The following ATP13A4 variants were observed in gnomAD, a reference collection of about 807,000 sequenced individuals.
ATP13A4 encodes the protein ATPase 13A4.
In ATP13A4, 114 loss-of-function variants were observed where a neutral mutation model predicts 142.5. That is an observed-to-expected ratio of 0.80 (90% CI 0.69 to 0.93). ATP13A4 has a LOEUF of 0.93. Among genes scored for constraint, ATP13A4 ranks in the 40% least tolerant of loss-of-function variants. The pLI is 0.00. For synonymous variants in ATP13A4, 488 were observed against 514.8 expected (o/e 0.95, Z 0.70); for missense variants, 1,392 against 1,454.0 (o/e 0.96, Z 0.69).
intron 6 of ATP13A4, 24 bp from the exon 7 acceptor site, chr3:193,489,888 A>T (rs1719852325): frequency 6.2e-7 from 1 of 1,609,448 alleles, no homozygotes; most frequent in Non-Finnish European, 8.5e-7. Flanking sequence ...TAAAAACAGG[A>T]AGACAAGGGA....
intron 25 of ATP13A4, among the ~76,000 whole-genome samples, chr3:193,428,670 T>C (rs1715804529): frequency 6.6e-6 from 1 of 151,606 alleles, no homozygotes; most frequent in African/African-American, 2.4e-5. Context: ...AAACCATCAT[T>C]CTCAGCAAAC....
intron 9 of ATP13A4, among the ~76,000 whole-genome samples, chr3:193,468,129 A>C (rs1212786501): frequency 6.6e-6 from 1 of 152,190 alleles, no homozygotes; most frequent in African/African-American, 2.4e-5. Context: ...TGGTGAGCCA[A>C]GATTGTGCCA....
intron 2 of ATP13A4, among the ~76,000 whole-genome samples, chr3:193,575,968 G>A (rs939544407): frequency 1.3e-5 from 2 of 152,150 alleles, no homozygotes; most frequent in African/African-American, 2.4e-5. Flanking sequence ...ACTGGGACGG[G>A]GACTGGGATG....
chr3:193,548,532 A>C (rs769444790), intron 1 of ATP13A4, among the ~76,000 whole-genome samples: 2 of 152,218 alleles, frequency 1.3e-5, no homozygotes, highest in Non-Finnish European at 2.9e-5. Context: ...TTCAAATGAC[A>C]AAATGTCTCA....
chr3:193,548,277 T>C (rs1723338555), intron 1 of ATP13A4, among the ~76,000 whole-genome samples: 1 of 152,188 alleles, frequency 6.6e-6, no homozygotes, highest in Non-Finnish European at 1.5e-5. Context: ...TTAATAGAGC[T>C]TGCAATTACG....
Position 193,457,451 on chromosome 3 carries a change from A to T in ATP13A4, c.1689T>A (p.Ser563=), listed in dbSNP as rs1327199218. The part of the protein sequence containing the change: ...FEATTWEMAF[S]GDDFHIKGVP... ...CTCCCTTGATGTGGAAATCGTCCCC[A>T]GAAAAAGCCATTTCCTATTTCACAA... The change falls in exon 15 of 30, where the codon TCT becomes TCA. Residue 563 remains serine (S), a synonymous_variant. Coordinates refer to ENST00000342695, the MANE Select transcript of ATP13A4 (RefSeq NM_032279.4). 6.2e-7 allele frequency: 1 copy of T among 1,613,988 alleles called. No individual in the cohort carries two copies. The highest frequency in any genetic ancestry group is 2.2e-5 in the East Asian group (1 of 44,884).
At chr3:193,561,519 T>C (rs1724016769) in intron 2 of ATP13A4, among the ~76,000 whole-genome samples, 2 of 152,356 alleles carry the variant, frequency 1.3e-5, no homozygotes, top group South Asian at 2.1e-4. Flanking sequence ...CTGAAATTAA[T>C]GACAAAAGAA....
At chr3:193,575,200 T>C (rs946137125) in intron 2 of ATP13A4, among the ~76,000 whole-genome samples, 2 of 152,200 alleles carry the variant, frequency 1.3e-5, no homozygotes, top group Non-Finnish European at 2.9e-5. Context: ...AATAGATAAT[T>C]GGAAGTTTCC....
At chr3:193,513,113 T>C (rs1721226323) in intron 2 of ATP13A4, among the ~76,000 whole-genome samples, 1 of 152,216 alleles carries the variant, frequency 6.6e-6, no homozygotes, top group Admixed American at 6.5e-5. Context: ...ACATATCAGC[T>C]AAGCTAGAAC....
chr3:193,473,891 C>G (rs1231320902), intron 8 of ATP13A4, among the ~76,000 whole-genome samples: 1 of 152,178 alleles, frequency 6.6e-6, no homozygotes, highest in Non-Finnish European at 1.5e-5. Flanking sequence ...TTCTGTATCT[C>G]TTTTCTATTA....
intron 17 of ATP13A4, among the ~76,000 whole-genome samples, chr3:193,450,720 T>A (rs576895075): frequency 1.1e-4 from 17 of 152,308 alleles, no homozygotes; most frequent in African/African-American, 3.4e-4. Flanking sequence ...CACCTAAATG[T>A]ATGTTCCAAG....
intron 27 of ATP13A4, among the ~76,000 whole-genome samples, chr3:193,411,695 G>A (rs1247312119): frequency 1.3e-5 from 2 of 152,106 alleles, no homozygotes; most frequent in African/African-American, 4.8e-5. Context: ...AAGGAAGTAG[G>A]AGGGAGGTAC....
chr3:193,428,878 C>T (rs1016658574), intron 25 of ATP13A4, among the ~76,000 whole-genome samples: 1 of 151,822 alleles, frequency 6.6e-6, no homozygotes, highest in African/African-American at 2.4e-5. Context: ...CAACATGGCA[C>T]ATGTATACAT....
chr3:193,504,020 T>TGTGTGTGAGA (rs1034644341), intron 2 of ATP13A4, among the ~76,000 whole-genome samples: 134 of 144,314 alleles, frequency 9.3e-4, no homozygotes, highest in Middle Eastern at 3.5e-3. Context: ...TGTGTGTGTG[T>TGTGTGTGAGA]GAGAGAGAGA....
intron 8 of ATP13A4, among the ~76,000 whole-genome samples, chr3:193,472,464 C>T (rs1455067041): frequency 2.6e-5 from 4 of 152,194 alleles, no homozygotes; most frequent in African/African-American, 9.6e-5. Context: ...CAAAGAGAAG[C>T]AGCAAAGTGC....
chr3:193,558,482 G>T (rs1275712070), upstream of ATP13A4, among the ~76,000 whole-genome samples: 2 of 152,152 alleles, frequency 1.3e-5, no homozygotes, highest in Non-Finnish European at 2.9e-5. Context: ...AATAGATGAA[G>T]AATAGAGATT....
intron 2 of ATP13A4, among the ~76,000 whole-genome samples, chr3:193,505,360 AG>A (rs898569323): frequency 6.6e-6 from 1 of 152,274 alleles, no homozygotes; most frequent in Non-Finnish European, 1.5e-5. Flanking sequence ...AGGTTCTCAA[AG>A]GCCATATTAA....
At chr3:193,532,958 A>G (rs1286232832) in intron 1 of ATP13A4, among the ~76,000 whole-genome samples, 1 of 152,128 alleles carries the variant, frequency 6.6e-6, no homozygotes, top group Non-Finnish European at 1.5e-5. Flanking sequence ...AATAATGTAG[A>G]AAAAAAGTGT....
chr3:193,579,200 G>C (rs1724476624), intron 2 of ATP13A4: 1 of 158,034 alleles, frequency 6.3e-6, no homozygotes, highest in South Asian at 1.9e-4. Flanking sequence ...TCAATGGTGA[G>C]TAATATCACA....
Sources: allele counts gnomAD v4.1 joint callset (sites outside exome capture counted in the v4.1 genomes callset), GRCh38; gene constraint gnomAD v4.1.1; transcripts MANE v1.5; gene names NCBI Gene and HGNC (gene_info 2026-07-23, HGNC 2026-07-21).